The following ABCC10 variants were observed in gnomAD, a reference collection of about 807,000 sequenced individuals.
ABCC10 encodes ATP-binding cassette sub-family C member 10.
A neutral mutation model predicts 143.2 loss-of-function variants in ABCC10; 110 were observed. The ratio of observed to expected loss-of-function variants is 0.77; its 90% CI spans 0.66 to 0.90. The LOEUF (loss-of-function observed/expected upper bound fraction) is 0.90. Among genes scored for constraint, ABCC10 ranks in the 40% least tolerant of loss-of-function variants. The pLI, the probability that ABCC10 is intolerant of heterozygous loss-of-function variation, is 0.00. For synonymous variants in ABCC10, 805 were observed against 846.7 expected (o/e 0.95, Z 0.85); for missense variants, 1,700 against 1,900.5 (o/e 0.89, Z 1.96).
chr6:43,428,411 C>T (rs973529954), intron 2 of ABCC10, among the ~76,000 whole-genome samples: 1 of 152,106 alleles, frequency 6.6e-6, no homozygotes, highest in African/African-American at 2.4e-5. Flanking sequence ...CGATGAGTAT[C>T]AGAAATCATC....
In ABCC10 at chr6:43,449,975, G is replaced by A; in HGVS notation, c.4363G>A (p.Gly1455Arg). 1.2e-6 allele frequency: 2 copies of A among 1,613,982 alleles called. No individual in the cohort carries two copies. The highest frequency in any genetic ancestry group is 2.2e-5 in the East Asian group (1 of 44,876). The change falls in exon 22 of 22, where the codon GGG (glycine) becomes AGG (arginine). Residue 1455 changes from glycine to arginine, a missense_variant. Physicochemically the swap from Gly to Arg is moderately radical, Grantham distance 125. Transcript: ENST00000372530. ...AGACCGGGTGCTGGTGCTACAAGCG[G>A]GGAGAGTGGTAGAGCTGGACTCCCC... ...NSDRVLVLQA[G>R]RVVELDSPAT...
chr6:43,445,289 G>A lies in ABCC10; in HGVS notation c.3005G>A (p.Arg1002His), dbSNP rs759254534. ...GTLQAAATLH[R>H]RLLHRVLMAP... ...CTTCAAGCAGCTGCCACTCTGCATC[G>A]CCGCCTGCTGCATCGAGTCCTTATG... Residue 1002 changes from arginine to histidine, a missense_variant, in exon 14 of 22, where the codon CGC becomes CAC. By Grantham distance (29) the Arg-to-His change is conservative. Coordinates refer to ENST00000372530, the MANE Select transcript of ABCC10 (RefSeq NM_001198934.2). 3.0e-5 allele frequency: 49 copies of A among 1,613,658 alleles called. No individual in the cohort carries two copies. The highest frequency in any genetic ancestry group is 7.7e-5 in the South Asian group (7 of 91,034).
rs142647955 is a variant in ABCC10 at position 43,436,102 on chromosome 6, G to C, written c.1766-36G>C. The C allele has an allele frequency of 3.3e-5, 54 of 1,613,966 alleles. No homozygotes were observed. The African/African-American group carries it at 6.1e-4, about 18-fold the overall frequency. ...TACCCTCCCCAAACAGATTGTGGTA[G>C]ATTAGGAGCCCAAATCAAGTGGCTT... is the stretch of plus-strand genomic sequence containing the variant. On this transcript the variant is annotated intron_variant, in intron 5 of 21. Coordinates refer to ENST00000372530, the MANE Select transcript of ABCC10 (RefSeq NM_001198934.2).
downstream of ABCC10, chr6:43,450,934 C>T: frequency 3.1e-6 from 5 of 1,614,172 alleles, no homozygotes; most frequent in Non-Finnish European, 4.2e-6. This position sits in a 1 kb window ranked among gnomAD's most constrained non-coding sequence, Gnocchi z 4.5. Context: ...GGGTCTGGGA[C>T]AGGTAAGACA....
intron 12 of ABCC10, 92 bp from the exon 13 acceptor site, chr6:43,444,696 A>G: frequency 6.7e-7 from 1 of 1,494,644 alleles, no homozygotes; most frequent in East Asian, 2.3e-5. Flanking sequence ...ATGGGCAGGA[A>G]CCAGAGGCAA....
rs6901992 is a variant in ABCC10 at position 43,447,691 on chromosome 6, C to T, written c.3713C>T (p.Thr1238Ile). 4,274 of 1,614,036 alleles carry T rather than the reference C, an allele frequency of 2.6e-3. 78 individuals are homozygous for T. In the African/African-American group the frequency reaches 0.046, roughly 17 times the overall value. The change falls in exon 18 of 22, where the codon ACC becomes ATC. Residue 1238 changes from threonine (T) to isoleucine (I), a missense_variant. By Grantham distance (89) the Thr-to-Ile change is moderately conservative. Coordinates refer to ENST00000372530, the MANE Select transcript of ABCC10 (RefSeq NM_001198934.2). ...EPQGQPLQLGTGWLTQGGVEF... is the reference protein window; with the variant it reads ...EPQGQPLQLGIGWLTQGGVEF... ...ACCCATGGACCCCACCAGCTGGGCA[C>T]CGGCTGGCTGACCCAGGGGGGCGTG... is the stretch of plus-strand genomic sequence containing the variant.
At chr6:43,441,100 C>G (rs994114173) in intron 8 of ABCC10, among the ~76,000 whole-genome samples, 4 of 150,906 alleles carry the variant, frequency 2.7e-5, no homozygotes, top group African/African-American at 9.7e-5. Context: ...AAGACTCTGT[C>G]TCACACACAC....
In ABCC10 at chr6:43,438,755, A is replaced by T; in HGVS notation, c.2087A>T (p.Lys696Met). ...FGKTFDAQLY[K>M]EVLEACALND... is the part of the protein sequence containing the mutation. ...AAGACATTTGATGCACAGCTGTACA[A>T]GGAGGTGCTAGAAGCCTGCGCCCTC... is the stretch of plus-strand genomic sequence containing the variant. Residue 696 changes from lysine (K) to methionine (M), a missense_variant, in exon 8 of 22, where the codon AAG becomes ATG. Physicochemically the swap from Lys to Met is moderately conservative, Grantham distance 95. Transcript: ENST00000372530. 1.2e-6 allele frequency: 2 copies of T among 1,614,218 alleles called. No homozygotes were observed.
chr6:43,430,169 C>T (rs1780976271), intron 2 of ABCC10, among the ~76,000 whole-genome samples: 1 of 151,762 alleles, frequency 6.6e-6, no homozygotes, highest in Admixed American at 6.6e-5. Context: ...CGGCCCACTG[C>T]AACCTCCACC....
chr6:43,449,137 G>A lies in ABCC10; in HGVS notation c.4136G>A (p.Gly1379Asp). Residue 1379 changes from glycine to aspartate, a missense_variant, in exon 20 of 22, where the codon GGC (glycine) becomes GAC (aspartate). Gly to Asp is a moderately conservative substitution (Grantham distance 94). Transcript: ENST00000372530. ...GGLDGELGEG[G>D]RSLSLGQRQL... Reference sequence around the variant, plus strand: ...CTGGATGGTGAGCTGGGTGAGGGGGGCCGGAGCTTATCTCTTGGGCAGAGG... The same window carrying A: ...CTGGATGGTGAGCTGGGTGAGGGGGACCGGAGCTTATCTCTTGGGCAGAGG... 6.2e-7 allele frequency: 1 copy of A among 1,614,188 alleles called. No homozygotes were observed. The highest frequency in any genetic ancestry group is 8.5e-7 in the Non-Finnish European group (1 of 1,180,018).
At chr6:43,434,235 C>T (rs922520676) in intron 3 of ABCC10, among the ~76,000 whole-genome samples, 2 of 152,238 alleles carry the variant, frequency 1.3e-5, no homozygotes, top group Admixed American at 6.5e-5. Flanking sequence ...GGCCAGCCCC[C>T]GAAGCCCACA....
At position 43,434,638 on chromosome 6, in the gene ABCC10, G is replaced by T. The variant is rs1781490779; in HGVS notation, c.1398G>T (p.Leu466=). The T allele has an allele frequency of 6.2e-7, 1 of 1,613,782 alleles. No individual in the cohort carries two copies. Among genetic ancestry groups the T allele is most frequent in the African/African-American group, 1.3e-5 (1 of 74,902 alleles). The part of the protein sequence containing the change: ...DARVKLVTEL[L]SGIRVIKFCG... Reference sequence around the variant, plus strand: ...TTCCCTAGCTTGTGACAGAGCTGCTGAGTGGCATTCGGGTCATCAAGTTCT... The same window carrying T: ...TTCCCTAGCTTGTGACAGAGCTGCTTAGTGGCATTCGGGTCATCAAGTTCT... Residue 466 remains leucine (L), a synonymous_variant, in exon 4 of 22, where the codon CTG becomes CTT. Coordinates refer to ENST00000372530, the MANE Select transcript of ABCC10 (RefSeq NM_001198934.2).
In ABCC10 at chr6:43,447,308, T is replaced by C; in HGVS notation, c.3605T>C (p.Val1202Ala). 6.2e-7 allele frequency: 1 copy of C among 1,613,704 alleles called. No homozygotes were observed. The highest frequency in any genetic ancestry group is 8.5e-7 in the Non-Finnish European group (1 of 1,180,014). ...CTGACGGGCCTGCTCTCGGGCCTGG[T>C]GAGCAGCTTCACACAGACAGAGGCC... Reference protein sequence around the residue: ...LSLTGLLSGLVSSFTQTEAML... With the variant: ...LSLTGLLSGLASSFTQTEAML... The change falls in exon 17 of 22, where the codon GTG (valine) becomes GCG (alanine). Residue 1202 changes from valine (V) to alanine (A), a missense_variant. Physicochemically the swap from Val to Ala is moderately conservative, Grantham distance 64. Transcript: ENST00000372530.
At chr6:43,435,970 T>C in intron 5 of ABCC10, 63 bp downstream of exon 5, 2 of 1,608,174 alleles carry the variant, frequency 1.2e-6, no homozygotes, top group Non-Finnish European at 1.7e-6. Context: ...GCCACTTGGG[T>C]GCTGCGCATA....
chr6:43,450,638 T>C (rs1262305112), downstream of ABCC10: 3 of 1,613,272 alleles, frequency 1.9e-6, no homozygotes, highest in Admixed American at 5.0e-5. This position sits in a 1 kb window ranked among gnomAD's most constrained non-coding sequence, Gnocchi z 4.5. Context: ...CCTGGCACGC[T>C]GGAGCATAGT....
At chr6:43,439,406 ATT>A (rs11386275) in intron 8 of ABCC10, among the ~76,000 whole-genome samples, 3 of 148,244 alleles carry the variant, frequency 2.0e-5, no homozygotes, top group Non-Finnish European at 4.5e-5. Context: ...AAATTGATTA[ATT>A]TTTTTTTTTT....
intron 3 of ABCC10, among the ~76,000 whole-genome samples, 183 bp downstream of exon 3, chr6:43,433,543 A>G (rs1781363100): frequency 1.3e-5 from 2 of 152,236 alleles, no homozygotes; most frequent in Admixed American, 6.5e-5. Context: ...CACTTCAGAC[A>G]AGTCACTTAA....
chr6:43,441,822 A>G (rs375290097), intron 8 of ABCC10, 40 bp from the exon 9 acceptor site: 26 of 1,544,368 alleles, frequency 1.7e-5, no homozygotes, highest in Admixed American at 1.7e-5. Context: ...CCAGAAGGTA[A>G]TGGGAGCTCC....
At chr6:43,444,751 A>G in intron 12 of ABCC10, 37 bp from the exon 13 acceptor site, 1 of 1,545,522 alleles carries the variant, frequency 6.5e-7, no homozygotes, top group Non-Finnish European at 8.7e-7. Context: ...AAGGGAGAGG[A>G]GCCTCTTACA....
Sources: allele counts gnomAD v4.1 joint callset (sites outside exome capture counted in the v4.1 genomes callset), GRCh38; gene constraint gnomAD v4.1.1; non-coding constraint Gnocchi (gnomAD v3.1); transcripts MANE v1.5; gene names NCBI Gene and HGNC (gene_info 2026-07-23, HGNC 2026-07-21).